The following STXBP5L variants were observed in gnomAD, a reference collection of about 807,000 sequenced individuals.
The protein encoded by STXBP5L is syntaxin binding protein 5L.
Under a neutral mutation model 144.5 loss-of-function variants are expected in STXBP5L, and 65 were observed. The ratio of observed to expected loss-of-function variants is 0.45; its 90% CI spans 0.37 to 0.55. The LOEUF is 0.55. Among genes scored for constraint, STXBP5L ranks in the 20% least tolerant of loss-of-function variants. STXBP5L has a pLI of 0.00. For missense variants in STXBP5L, 1,298 were observed against 1,405.5 expected (o/e 0.92, Z 1.22); for synonymous variants, 505 against 469.6 (o/e 1.08, Z -0.97).
chr3:121,312,371 T>C (rs1376814848), intron 19 of STXBP5L, among the ~76,000 whole-genome samples: 4 of 110,842 alleles, frequency 3.6e-5, no homozygotes, highest in Admixed American at 1.2e-4. Context: ...AGAGCTTCTT[T>C]TTTTTTTTTT....
intron 20 of STXBP5L, among the ~76,000 whole-genome samples, chr3:121,353,812 G>C (rs192781754): frequency 5.3e-5 from 8 of 152,148 alleles, no homozygotes; most frequent in Non-Finnish European, 1.0e-4. Flanking sequence ...TTTCTCTTGT[G>C]GACATTTAGT....
chr3:121,025,404 G>C (rs185690038), intron 3 of STXBP5L, among the ~76,000 whole-genome samples: 1 of 139,614 alleles, frequency 7.2e-6, no homozygotes. Flanking sequence ...TTATATATAA[G>C]TGGGTTTTCT....
chr3:120,968,523 A>G (rs1449969020), intron 3 of STXBP5L, among the ~76,000 whole-genome samples: 7 of 152,286 alleles, frequency 4.6e-5, no homozygotes, highest in Admixed American at 1.3e-4. Flanking sequence ...TGTAGACAGT[A>G]TATAGTTGGA....
chr3:121,275,415 C>T (rs1408138655), intron 18 of STXBP5L, among the ~76,000 whole-genome samples: 4 of 152,086 alleles, frequency 2.6e-5, no homozygotes, highest in African/African-American at 7.2e-5. Context: ...TTTAATTTCT[C>T]TCAACAATAA....
At chr3:121,262,622 CA>C (rs879550329) in intron 18 of STXBP5L, among the ~76,000 whole-genome samples, 5 of 147,070 alleles carry the variant, frequency 3.4e-5, no homozygotes, top group Non-Finnish European at 6.0e-5. Flanking sequence ...AACTCCATCT[CA>C]AAAAAAAAAG....
At chr3:120,974,775 C>T (rs1461160133) in intron 3 of STXBP5L, among the ~76,000 whole-genome samples, 3 of 152,096 alleles carry the variant, frequency 2.0e-5, no homozygotes, top group Admixed American at 1.3e-4. Flanking sequence ...AGCCAGTTTT[C>T]CCAGCACCAT....
In STXBP5L at chr3:121,378,175, G is replaced by T. The variant is rs112636291; in HGVS notation, c.2177-541G>T. On this transcript the variant is annotated intron_variant, in intron 20 of 26. Transcript: ENST00000471454. Reference sequence around the variant, plus strand: ...CACACACCGAGGCCTGTCGGGGGGTGGGGGGAAAGGGGAGGGAGAGTATTA... The same window carrying T: ...CACACACCGAGGCCTGTCGGGGGGTTGGGGGAAAGGGGAGGGAGAGTATTA... 3.4e-3 allele frequency among the ~76,000 whole-genome samples: 516 copies of T among 152,044 alleles called. 4 individuals are homozygous for T. The highest frequency in any genetic ancestry group is 0.012 in the African/African-American group (489 of 41,480).
chr3:120,998,918 A>G (rs896528597), intron 3 of STXBP5L, among the ~76,000 whole-genome samples: 9 of 152,200 alleles, frequency 5.9e-5, no homozygotes, highest in African/African-American at 2.2e-4. Context: ...GGAAGAATCA[A>G]TATTGTTAAG....
rs569144507 is a variant in STXBP5L, at chr3:121,217,530, C to A, written c.957-5473C>A. The stretch of plus-strand genomic sequence containing the variant: ...TCTGCACCCACTGTCTAATCATTCC[C>A]AGTTCCATGAGCTGGGTACCTCCAT... On this transcript the variant is annotated intron_variant, in intron 10 of 26. Transcript: ENST00000471454. Among the ~76,000 whole-genome samples, 7 of 152,274 alleles carry A rather than the reference C, an allele frequency of 4.6e-5. No homozygotes were observed. In the East Asian group the frequency reaches 1.4e-3, roughly 29 times the overall value.
intron 10 of STXBP5L, among the ~76,000 whole-genome samples, chr3:121,219,049 AAATT>A (rs1225516707): frequency 6.6e-6 from 1 of 152,172 alleles, no homozygotes; most frequent in African/African-American, 2.4e-5. Flanking sequence ...AACTATGTGT[AAATT>A]AATCTTCATA....
At chr3:120,976,902 C>G (rs1017621485) in intron 3 of STXBP5L, among the ~76,000 whole-genome samples, 2 of 152,018 alleles carry the variant, frequency 1.3e-5, no homozygotes, top group Non-Finnish European at 2.9e-5. Context: ...GCACTGTGGT[C>G]TGAGAGACAG....
At chr3:120,986,851 G>T (rs1942334314) in intron 3 of STXBP5L, among the ~76,000 whole-genome samples, 2 of 151,854 alleles carry the variant, frequency 1.3e-5, no homozygotes, top group Non-Finnish European at 2.9e-5. Flanking sequence ...GCAGACAGAA[G>T]AATCAGCAAA....
chr3:121,170,240 G>T (rs1228207095), intron 9 of STXBP5L, among the ~76,000 whole-genome samples: 4 of 152,184 alleles, frequency 2.6e-5, no homozygotes, highest in Admixed American at 2.6e-4. Flanking sequence ...ACAGGAGAAA[G>T]TGGGAAAGAT....
chr3:121,421,252 T>C lies in STXBP5L; in HGVS notation c.*2155T>C, dbSNP rs184115475. On this transcript the variant is annotated 3_prime_UTR_variant, in exon 27 of 27. Coordinates refer to ENST00000471454, the MANE Select transcript of STXBP5L (RefSeq NM_001308330.2). ...AAATATTAGTTTATTTTAGAAATAATGAAATTCAGTCCAAAGTAGCAGTAC... is the reference window on the plus strand; with the variant it reads ...AAATATTAGTTTATTTTAGAAATAACGAAATTCAGTCCAAAGTAGCAGTAC... 44 of 152,304 alleles carry C rather than the reference T, an allele frequency of 2.9e-4. No homozygotes were observed. The highest frequency in any genetic ancestry group is 9.9e-4 in the African/African-American group (41 of 41,578). The allele number at this position is 152,304 out of a possible 1,614,324, so 9.4% of individuals were successfully genotyped here.
At chr3:121,395,493 T>A (rs1038579048) in intron 22 of STXBP5L, among the ~76,000 whole-genome samples, 7 of 149,706 alleles carry the variant, frequency 4.7e-5, no homozygotes, top group African/African-American at 1.5e-4. Flanking sequence ...TATTCTTGCA[T>A]TTTTTTCTGG....
chr3:121,291,783 G>A (rs142267507), intron 19 of STXBP5L, among the ~76,000 whole-genome samples: 194 of 151,904 alleles, frequency 1.3e-3, no homozygotes, highest in African/African-American at 4.4e-3. Flanking sequence ...TCAACAAAGC[G>A]AACAATAATA....
chr3:121,212,089 CG>C (rs1394552166), intron 10 of STXBP5L, among the ~76,000 whole-genome samples: 1 of 151,960 alleles, frequency 6.6e-6, no homozygotes, highest in Non-Finnish European at 1.5e-5. Flanking sequence ...AATTTGCTTA[CG>C]TTCCTTGTAG....
intron 2 of STXBP5L, among the ~76,000 whole-genome samples, chr3:120,949,494 C>T (rs1711062768): frequency 6.6e-6 from 1 of 152,048 alleles, no homozygotes; most frequent in Non-Finnish European, 1.5e-5. Context: ...TTTGCCTAAG[C>T]CAATGTCTAG....
chr3:120,981,962 G>T (rs553953803), intron 3 of STXBP5L, among the ~76,000 whole-genome samples: 4 of 152,312 alleles, frequency 2.6e-5, no homozygotes, highest in Admixed American at 2.6e-4. Flanking sequence ...GATAGCCTTT[G>T]TGCAGTGGCT....
Sources: allele counts gnomAD v4.1 joint callset (sites outside exome capture counted in the v4.1 genomes callset), GRCh38; gene constraint gnomAD v4.1.1; transcripts MANE v1.5; gene names NCBI Gene and HGNC (gene_info 2026-07-23, HGNC 2026-07-21).